Variants in EXOC6B observed in about 807,000 individuals in gnomAD.
EXOC6B encodes the protein SEC15 homolog B.
In EXOC6B, 54 loss-of-function variants were observed where a neutral mutation model predicts 113.5. The ratio of observed to expected loss-of-function variants is 0.48; its 90% confidence interval spans 0.38 to 0.60. The LOEUF (loss-of-function observed/expected upper bound fraction) is 0.60, where lower values mean the gene tolerates loss of function less well. Ranked by LOEUF, EXOC6B falls within the 20% of genes least tolerant of loss-of-function variation. The pLI is 0.00. For missense variants in EXOC6B, 797 were observed against 977.5 expected (o/e 0.82, Z 2.46); for synonymous variants, 357 against 339.0 (o/e 1.05, Z -0.58).
intron 18 of EXOC6B, among the ~76,000 whole-genome samples, chr2:72,421,404 A>G (rs2105262096): frequency 6.6e-6 from 1 of 152,272 alleles, no homozygotes; most frequent in African/African-American, 2.4e-5. Context: ...AAATTATTTT[A>G]TTGATCATTC....
chr2:72,303,227 C>G (rs1187404628), intron 20 of EXOC6B, among the ~76,000 whole-genome samples: 1 of 152,054 alleles, frequency 6.6e-6, no homozygotes, highest in Non-Finnish European at 1.5e-5. Flanking sequence ...ATGACCTGCC[C>G]TTTCTCTCTG....
intron 20 of EXOC6B, among the ~76,000 whole-genome samples, chr2:72,202,186 T>C (rs1679533257): frequency 2.0e-5 from 3 of 152,218 alleles, no homozygotes; most frequent in African/African-American, 7.2e-5. Flanking sequence ...CAGGTGAATT[T>C]TTAAAAACCT....
At chr2:72,280,198 T>A (rs1381682203) in intron 20 of EXOC6B, among the ~76,000 whole-genome samples, 1 of 152,122 alleles carries the variant, frequency 6.6e-6, no homozygotes, top group Non-Finnish European at 1.5e-5. Context: ...TATTTCTCTG[T>A]TTCATTATCA....
At chr2:72,642,659 C>T (rs970916237) in intron 6 of EXOC6B, among the ~76,000 whole-genome samples, 5 of 148,116 alleles carry the variant, frequency 3.4e-5, no homozygotes, top group African/African-American at 1.0e-4. Flanking sequence ...ACCATAAAAA[C>T]CCTAGAAGAA....
At chr2:72,727,092 G>A (rs1280598566) in intron 5 of EXOC6B, among the ~76,000 whole-genome samples, 2 of 152,016 alleles carry the variant, frequency 1.3e-5, no homozygotes, top group Non-Finnish European at 2.9e-5. Context: ...ATACACTGAG[G>A]ATACCAAGGA....
At chr2:72,499,856 T>C in intron 12 of EXOC6B, 45 bp downstream of exon 12, 1 of 1,361,226 alleles carries the variant, frequency 7.3e-7, no homozygotes, top group Non-Finnish European at 1.0e-6. Context: ...TAGAGCTGAT[T>C]ATAATACCAA....
intron 20 of EXOC6B, among the ~76,000 whole-genome samples, chr2:72,201,391 G>A (rs531214035): frequency 3.3e-5 from 5 of 152,176 alleles, no homozygotes; most frequent in Non-Finnish European, 5.9e-5. Flanking sequence ...AGTATGGTGA[G>A]AAGGGGTTAT....
chr2:72,404,852 C>T (rs1216067175), intron 18 of EXOC6B, among the ~76,000 whole-genome samples: 3 of 152,166 alleles, frequency 2.0e-5, no homozygotes, highest in Non-Finnish European at 4.4e-5. Flanking sequence ...AACAATGCTG[C>T]ATGGAGAACG....
intron 20 of EXOC6B, among the ~76,000 whole-genome samples, chr2:72,279,124 C>T (rs992287568): frequency 2.0e-5 from 3 of 152,192 alleles, no homozygotes; most frequent in Non-Finnish European, 2.9e-5. Flanking sequence ...GATTTTCATT[C>T]CAATCACCAT....
chr2:72,249,380 G>A (rs1269507701), intron 20 of EXOC6B, among the ~76,000 whole-genome samples: 4 of 151,890 alleles, frequency 2.6e-5, no homozygotes, highest in African/African-American at 4.8e-5. Context: ...TCATCCTCCC[G>A]AGTAGCTGGG....
chr2:72,725,633 C>A (rs1272548991), intron 5 of EXOC6B, among the ~76,000 whole-genome samples: 1 of 152,176 alleles, frequency 6.6e-6, no homozygotes, highest in Non-Finnish European at 1.5e-5. Flanking sequence ...CTCAAGCAAT[C>A]TGCCCACCTC....
At chr2:72,609,048 T>A (rs897636343) in intron 6 of EXOC6B, among the ~76,000 whole-genome samples, 1 of 152,182 alleles carries the variant, frequency 6.6e-6, no homozygotes, top group African/African-American at 2.4e-5. Context: ...ACCTTCCAAT[T>A]ACCACCTCAC....
chr2:72,501,881 C>A (rs1380508055), intron 11 of EXOC6B, among the ~76,000 whole-genome samples: 1 of 151,760 alleles, frequency 6.6e-6, no homozygotes, highest in East Asian at 1.9e-4. Context: ...CACCTCAGTA[C>A]CCCCAAGTAG....
chr2:72,442,791 A>G (rs892457796), intron 18 of EXOC6B, among the ~76,000 whole-genome samples: 1 of 152,200 alleles, frequency 6.6e-6, no homozygotes, highest in Non-Finnish European at 1.5e-5. Flanking sequence ...AAGAATCAAT[A>G]TTGTTAAAAT....
At chr2:72,305,335 T>A (rs1478016390) in intron 20 of EXOC6B, among the ~76,000 whole-genome samples, 1 of 101,540 alleles carries the variant, frequency 9.8e-6, no homozygotes, top group Admixed American at 8.5e-5. Context: ...TATATGTATA[T>A]GTATATGTAT....
chr2:72,600,433 C>A, intron 6 of EXOC6B, among the ~76,000 whole-genome samples: 2 of 102,314 alleles, frequency 2.0e-5, no homozygotes, highest in Admixed American at 1.3e-4. Flanking sequence ...TGGAGTGAGA[C>A]CTTATCTCAA....
intron 20 of EXOC6B, among the ~76,000 whole-genome samples, chr2:72,261,198 G>C (rs1683690375): frequency 6.6e-6 from 1 of 152,046 alleles, no homozygotes; most frequent in Admixed American, 6.5e-5. Context: ...AAATCACTAA[G>C]AAGAAGGAAA....
chr2:72,741,192 T>C, intron 2 of EXOC6B, 112 bp downstream of exon 2: 2 of 1,073,848 alleles, frequency 1.9e-6, no homozygotes, highest in Non-Finnish European at 2.6e-6. Flanking sequence ...TTTCTAATTA[T>C]ACAAAAATCT....
chr2:72,336,019 T>TAC (rs775256551), intron 19 of EXOC6B, among the ~76,000 whole-genome samples: 2 of 149,780 alleles, frequency 1.3e-5, no homozygotes, highest in Non-Finnish European at 3.0e-5. Context: ...AAGTTCCCTA[T>TAC]ACACACACAC....
Sources: allele counts gnomAD v4.1 joint callset (sites outside exome capture counted in the v4.1 genomes callset), GRCh38; gene constraint gnomAD v4.1.1; transcripts MANE v1.5; gene names NCBI Gene and HGNC (gene_info 2026-07-23, HGNC 2026-07-21).